Variants in IBTK observed in about 807,000 individuals in gnomAD.
IBTK encodes the protein inhibitor of Bruton tyrosine kinase.
In IBTK, 83 loss-of-function variants were observed where a neutral mutation model predicts 154.9. The ratio of observed to expected loss-of-function variants is 0.54; its 90% CI spans 0.45 to 0.64. The LOEUF (loss-of-function observed/expected upper bound fraction) is 0.64, where lower values mean the gene tolerates loss of function less well. Ranked by LOEUF, IBTK falls within the 30% of genes least tolerant of loss-of-function variation. IBTK has a pLI of 0.00. For synonymous variants in IBTK, 515 were observed against 536.1 expected (o/e 0.96, Z 0.54); for missense variants, 1,332 against 1,584.6 (o/e 0.84, Z 2.71).
intron 1 of IBTK, 135 bp downstream of exon 1, chr6:82,247,427 A>G (rs1771196514): frequency 2.5e-6 from 1 of 395,280 alleles, no homozygotes. Context: ...GGGGCCACAG[A>G]GTCCCCTCCC....
rs534597205 is a variant in IBTK at position 82,240,958 on chromosome 6, G to C, written c.-357-115C>G. ...GATGCCCTTAACCCATTTATGCTTAGTGTTCCATTACTGGAACACTAAGCT... is the reference window on the plus strand; with the variant it reads ...GATGCCCTTAACCCATTTATGCTTACTGTTCCATTACTGGAACACTAAGCT... On this transcript the variant is annotated intron_variant, in intron 1 of 28. Coordinates refer to ENST00000306270, the MANE Select transcript of IBTK (RefSeq NM_015525.4). 5.4e-4 allele frequency: 212 copies of C among 396,234 alleles called. 2 individuals carry two copies. Among genetic ancestry groups the C allele is most frequent in the African/African-American group, 4.1e-3 (199 of 48,710 alleles). The allele number at this position is 396,234 out of a possible 1,614,324, so 24.5% of individuals were successfully genotyped here.
chr6:82,214,631 T>C lies in IBTK; in HGVS notation c.1800A>G (p.Ser600=). The C allele has an allele frequency of 6.2e-7, 1 of 1,614,032 alleles. No homozygotes were observed. Among genetic ancestry groups the C allele is most frequent in the African/African-American group, 1.3e-5 (1 of 75,046 alleles). Residue 600 remains serine, a synonymous_variant, in exon 12 of 29, where the codon TCA becomes TCG. Coordinates refer to ENST00000306270, the MANE Select transcript of IBTK (RefSeq NM_015525.4). ...CTTTCTGGTAAATATCTGTAAATTC[T>C]GAAGTATTACCATCTGAAAGAAACA... ...QKLFLSDGNT[S]EFTDIYQKDE...
intron 16 of IBTK, among the ~76,000 whole-genome samples, chr6:82,206,795 AAATC>A (rs1769430567): frequency 6.6e-6 from 1 of 152,214 alleles, no homozygotes; most frequent in African/African-American, 2.4e-5. Context: ...AACATATGAA[AAATC>A]AATCAATATA....
chr6:82,197,222 G>A (rs1227453305), intron 21 of IBTK, among the ~76,000 whole-genome samples: 3 of 152,074 alleles, frequency 2.0e-5, no homozygotes, highest in African/African-American at 7.2e-5. Context: ...ACTAAAAGCT[G>A]TATAATTGAT....
intron 1 of IBTK, among the ~76,000 whole-genome samples, chr6:82,243,818 A>G (rs1329112735): frequency 6.6e-6 from 1 of 152,208 alleles, no homozygotes; most frequent in African/African-American, 2.4e-5. Flanking sequence ...TGAATCACTC[A>G]AACCTTACAT....
At position 82,197,362 on chromosome 6, in the gene IBTK, A is replaced by T. The variant is rs556868197; in HGVS notation, c.3026-916T>A. ...CATTTAAACATTTTTTTTGCCACAC[A>T]ATCTTTTTGAATTTTTTTTTTTTTT... On this transcript the variant is annotated intron_variant, in intron 21 of 28. Coordinates refer to ENST00000306270, the MANE Select transcript of IBTK (RefSeq NM_015525.4). 2.4e-5 allele frequency among the ~76,000 whole-genome samples: 3 copies of T among 127,372 alleles called. No individual in the cohort carries two copies. In the South Asian group the frequency reaches 8.6e-4, roughly 36 times the overall value. 83.6% of individuals were successfully genotyped at this position (127,372 alleles called of 152,430 possible). A position where few individuals can be genotyped will look rare whatever the true frequency, so the allele number is the denominator to read the frequency against.
intron 28 of IBTK, 52 bp from the exon 29 acceptor site, chr6:82,171,608 G>T: frequency 6.7e-7 from 1 of 1,493,234 alleles, no homozygotes; most frequent in South Asian, 1.2e-5. Context: ...TATAAACTAA[G>T]CAGGATGTAT....
At chr6:82,230,428 T>C in intron 4 of IBTK, among the ~76,000 whole-genome samples, 1 of 152,168 alleles carries the variant, frequency 6.6e-6, no homozygotes, top group East Asian at 1.9e-4. Flanking sequence ...AATTAGCTCT[T>C]TTTTAAGACA....
Position 82,200,846 on chromosome 6 carries a change from C to T in IBTK, c.2791-138G>A, listed in dbSNP as rs527412480. 3 of 894,296 alleles carry T rather than the reference C, an allele frequency of 3.4e-6. No individual in the cohort carries two copies. In the South Asian group the frequency reaches 6.0e-5, roughly 18 times the overall value. 55.4% of individuals were successfully genotyped at this position (894,296 alleles called of 1,614,324 possible). A position where few individuals can be genotyped will look rare whatever the true frequency, so the allele number is the denominator to read the frequency against. Reference sequence around the variant, plus strand: ...GAACACCTGGCCCCAAGCAAACCTCCCATCTTGGCCTCCCAAAATGCTAGG... The same window carrying T: ...GAACACCTGGCCCCAAGCAAACCTCTCATCTTGGCCTCCCAAAATGCTAGG... On this transcript the variant is annotated intron_variant, in intron 19 of 28. Coordinates refer to ENST00000306270, the MANE Select transcript of IBTK (RefSeq NM_015525.4).
At position 82,223,626 on chromosome 6, in the gene IBTK, A is replaced by C; in HGVS notation, c.944-6T>G. The C allele has an allele frequency of 6.2e-7, 1 of 1,610,616 alleles. No homozygotes were observed. The highest frequency in any genetic ancestry group is 8.5e-7 in the Non-Finnish European group (1 of 1,177,532). ...ATTGGGATCTAGCAAACAACCTAAA[A>C]AATGATACAAATAAGCAAATCACAA... On this transcript the variant is annotated splice_polypyrimidine_tract_variant and splice_region_variant and intron_variant, in intron 7 of 28. Transcript: ENST00000306270.
chr6:82,238,716 C>T (rs1371549673), intron 2 of IBTK, among the ~76,000 whole-genome samples: 1 of 151,986 alleles, frequency 6.6e-6, no homozygotes, highest in Non-Finnish European at 1.5e-5. Context: ...GCTGAGATTA[C>T]AGGCGTGAGC....
At chr6:82,187,214 C>A (rs1287814222) in intron 25 of IBTK, among the ~76,000 whole-genome samples, 4 of 152,020 alleles carry the variant, frequency 2.6e-5, no homozygotes, top group Non-Finnish European at 5.9e-5. Context: ...TCATGCCCAG[C>A]CAGATAATTA....
At chr6:82,211,159 G>A (rs1019303872) in intron 15 of IBTK, among the ~76,000 whole-genome samples, 6 of 151,936 alleles carry the variant, frequency 3.9e-5, no homozygotes, top group African/African-American at 9.7e-5. Flanking sequence ...AAATAATAAC[G>A]GGGAAATTTT....
intron 4 of IBTK, among the ~76,000 whole-genome samples, chr6:82,229,391 A>G (rs2127823206): frequency 6.6e-6 from 1 of 152,264 alleles, no homozygotes. Flanking sequence ...TCCTAATGCC[A>G]TCATGATTCC....
chr6:82,172,206 A>G (rs1231861327), intron 28 of IBTK, among the ~76,000 whole-genome samples, 174 bp downstream of exon 28: 1 of 152,206 alleles, frequency 6.6e-6, no homozygotes, highest in East Asian at 1.9e-4. Flanking sequence ...TGCCCTGAAT[A>G]TCTACAACTA....
intron 10 of IBTK, among the ~76,000 whole-genome samples, chr6:82,217,027 T>C (rs1562095340): frequency 1.3e-5 from 2 of 152,148 alleles, no homozygotes; most frequent in Admixed American, 1.3e-4. Context: ...AAAGATGATA[T>C]AGACTAGGTT....
intron 22 of IBTK, among the ~76,000 whole-genome samples, chr6:82,195,210 C>T (rs1456756710): frequency 6.6e-6 from 1 of 152,062 alleles, no homozygotes; most frequent in Non-Finnish European, 1.5e-5. Flanking sequence ...TTCCTTTAAA[C>T]CTCAATTGTC....
At chr6:82,230,645 G>C (rs1328229554) in intron 4 of IBTK, among the ~76,000 whole-genome samples, 1 of 152,034 alleles carries the variant, frequency 6.6e-6, no homozygotes, top group African/African-American at 2.4e-5. Flanking sequence ...AATTGAATAG[G>C]GTAGTTTAGG....
intron 3 of IBTK, among the ~76,000 whole-genome samples, chr6:82,233,155 CAAAA>C (rs35870814): frequency 1.2e-4 from 11 of 93,360 alleles, no homozygotes; most frequent in Admixed American, 2.3e-4. Flanking sequence ...GAAACTGTCT[CAAAA>C]AAAAAAAAAA....
Sources: gnomAD v4.1 joint callset for allele counts (sites outside exome capture counted in the v4.1 genomes callset) on GRCh38, gnomAD v4.1.1 for gene constraint, MANE v1.5 for transcripts, NCBI Gene and HGNC (gene_info 2026-07-23, HGNC 2026-07-21) for gene names.